SPAG16: variants seen among roughly 807,000 people sequenced by gnomAD.
The protein encoded by SPAG16 is sperm associated antigen 16.
In SPAG16, 86 loss-of-function variants were observed where a neutral mutation model predicts 80.4. The ratio of observed to expected loss-of-function variants is 1.07; its 90% CI spans 0.90 to 1.28. SPAG16 has a LOEUF of 1.28. Among genes scored for constraint, SPAG16 ranks in the 50% most tolerant of loss-of-function variants. The pLI is 0.00. For missense variants in SPAG16, 870 were observed against 765.3 expected, an observed-to-expected ratio of 1.14 and a Z score of -1.61; for synonymous variants, 294 against 265.9, an observed-to-expected ratio of 1.11 and a Z score of -1.03.
At chr2:213,677,755 G>T (rs1295138636) in intron 10 of SPAG16, among the ~76,000 whole-genome samples, 1 of 152,228 alleles carries the variant, frequency 6.6e-6, no homozygotes, top group Non-Finnish European at 1.5e-5. Flanking sequence ...ACTCAGCTCT[G>T]CACCAAGCGG....
intron 13 of SPAG16, among the ~76,000 whole-genome samples, chr2:214,099,627 C>G (rs1306776643): frequency 1.3e-5 from 2 of 152,036 alleles, no homozygotes; most frequent in Non-Finnish European, 2.9e-5. Context: ...TATGTATGAA[C>G]TAGTCCATGA....
At chr2:213,886,179 CA>C (rs1002284404) in intron 11 of SPAG16, among the ~76,000 whole-genome samples, 4 of 152,060 alleles carry the variant, frequency 2.6e-5, no homozygotes, top group African/African-American at 9.7e-5. Flanking sequence ...GACCTACAGT[CA>C]AACAAGGTAG....
chr2:213,316,682 C>T (rs140614611), intron 4 of SPAG16, among the ~76,000 whole-genome samples: 110 of 152,110 alleles, frequency 7.2e-4, no homozygotes, highest in Non-Finnish European at 1.0e-3. Context: ...GGTTCAGGGC[C>T]ATTGCATTTA....
intron 10 of SPAG16, among the ~76,000 whole-genome samples, chr2:213,501,947 A>C (rs528597316): frequency 6.6e-6 from 1 of 152,344 alleles, no homozygotes; most frequent in South Asian, 2.1e-4. Flanking sequence ...TTAGATACTG[A>C]ATTAGCCCAA....
chr2:213,872,242 A>T (rs10209608), intron 11 of SPAG16, among the ~76,000 whole-genome samples: 2 of 151,892 alleles, frequency 1.3e-5, no homozygotes, highest in Non-Finnish European at 2.9e-5. Flanking sequence ...CTAGAGAGAC[A>T]AGAGAGAACC....
At chr2:214,230,669 C>T (rs570054599) in intron 15 of SPAG16, among the ~76,000 whole-genome samples, 1 of 151,998 alleles carries the variant, frequency 6.6e-6, no homozygotes, top group Non-Finnish European at 1.5e-5. Flanking sequence ...AATGCAAAAC[C>T]AAGATCTCTC....
chr2:213,489,081 GAA>G (rs58151966), intron 9 of SPAG16, among the ~76,000 whole-genome samples: 175 of 90,934 alleles, frequency 1.9e-3, no homozygotes, highest in African/African-American at 8.3e-3. Context: ...TCTCAAAAAC[GAA>G]AAAAAAAAAA....
rs577544885 is a variant in SPAG16, at chr2:214,236,858, GC to G, written c.1720+87593del. Among the ~76,000 whole-genome samples the G allele has an allele frequency of 2.3e-4, 35 of 152,170 alleles. 1 individual carries two copies. The South Asian group carries it at 3.5e-3, about 15-fold the overall frequency. On this transcript the variant is annotated intron_variant, in intron 15 of 15. Coordinates refer to ENST00000331683, the MANE Select transcript of SPAG16 (RefSeq NM_024532.5). ...TATAAGAAATAACCATAAGGCTATGGCAAAGCTGAGAGTGACAGAGTTTATG... is the reference window on the plus strand; with the variant it reads ...TATAAGAAATAACCATAAGGCTATGGAAAGCTGAGAGTGACAGAGTTTATG...
intron 10 of SPAG16, among the ~76,000 whole-genome samples, chr2:213,825,358 A>G (rs758711828): frequency 3.3e-5 from 5 of 152,004 alleles, no homozygotes; most frequent in Non-Finnish European, 7.4e-5. Context: ...ACTAGCTGTG[A>G]GTCTGTTGTA....
chr2:214,314,499 C>G (rs928259561), intron 15 of SPAG16, among the ~76,000 whole-genome samples: 2 of 152,060 alleles, frequency 1.3e-5, no homozygotes, highest in African/African-American at 2.4e-5. Context: ...GAGCAAAGAC[C>G]CTACAGTCAG....
At chr2:213,709,452 T>C (rs2065891330) in intron 10 of SPAG16, among the ~76,000 whole-genome samples, 1 of 152,224 alleles carries the variant, frequency 6.6e-6, no homozygotes, top group South Asian at 2.1e-4. Flanking sequence ...TATGGAATAT[T>C]TCAAGCTATA....
Position 213,929,995 on chromosome 2 carries a change from C to G in SPAG16, c.1250C>G (p.Thr417Arg), listed in dbSNP as rs772395121. 6.2e-7 allele frequency: 1 copy of G among 1,613,412 alleles called. No individual in the cohort carries two copies. Among genetic ancestry groups the G allele is most frequent in the Non-Finnish European group, 8.5e-7 (1 of 1,179,676 alleles). The change falls in exon 12 of 16, where the codon ACA (threonine) becomes AGA (arginine). Residue 417 changes from threonine to arginine, a missense_variant. Transcript: ENST00000331683. ...TTGGCTACTTCAAGTGGTGACACTA[C>G]AGTTAAATTATGGGATCTATGTAAA... ...DKLATSSGDT[T>R]VKLWDLCKGD...
At position 213,700,095 on chromosome 2, in the gene SPAG16, A is replaced by C. The variant is rs192629008; in HGVS notation, c.1071-162390A>C. 6.6e-5 allele frequency among the ~76,000 whole-genome samples: 10 copies of C among 152,322 alleles called. No individual in the cohort carries two copies. In the East Asian group the frequency reaches 1.9e-3, roughly 29 times the overall value. On this transcript the variant is annotated intron_variant, in intron 10 of 15. Coordinates refer to ENST00000331683, the MANE Select transcript of SPAG16 (RefSeq NM_024532.5). ...TATTATCATATGTAATTCAGTAAAG[A>C]AATGTGTATACATGCATGTAATACA...
At chr2:213,405,519 A>G (rs2125361018) in intron 9 of SPAG16, among the ~76,000 whole-genome samples, 1 of 152,336 alleles carries the variant, frequency 6.6e-6, no homozygotes, top group East Asian at 1.9e-4. Context: ...GAAATATACA[A>G]TAAATTATCA....
chr2:214,385,672 C>A (rs146246603), intron 15 of SPAG16, among the ~76,000 whole-genome samples: 269 of 152,172 alleles, frequency 1.8e-3, no homozygotes, highest in South Asian at 4.6e-3. Context: ...GGCGAAATCC[C>A]GTCTCTACTG....
At chr2:213,471,375 G>A (rs113037392) in intron 9 of SPAG16, among the ~76,000 whole-genome samples, 3,564 of 152,146 alleles carry the variant, frequency 0.023, 58 homozygotes, top group South Asian at 0.038. Context: ...GCTGCTGTGC[G>A]TGCCCCACTT....
rs891438888 is a variant in SPAG16, at chr2:213,340,041, T to C, written c.537-122T>C. 9 of 649,722 alleles carry C rather than the reference T, an allele frequency of 1.4e-5. No homozygotes were observed. In the African/African-American group the frequency reaches 1.7e-4, roughly 12 times the overall value. The allele number at this position is 649,722 out of a possible 1,614,324, so 40.2% of individuals were successfully genotyped here. On this transcript the variant is annotated intron_variant, in intron 5 of 15. Transcript: ENST00000331683. ...TGATGAGAATCTTCGATGAGAATTATAGCAAAATATTTGTTTTCCTATTAT... is the reference window on the plus strand; with the variant it reads ...TGATGAGAATCTTCGATGAGAATTACAGCAAAATATTTGTTTTCCTATTAT...
At chr2:214,341,185 G>C (rs1400084148) in intron 15 of SPAG16, among the ~76,000 whole-genome samples, 1 of 152,086 alleles carries the variant, frequency 6.6e-6, no homozygotes, top group African/African-American at 2.4e-5. Context: ...TAACTAGAAA[G>C]AGTTGAAAAA....
intron 3 of SPAG16, among the ~76,000 whole-genome samples, chr2:213,304,663 C>A (rs1255203976): frequency 6.6e-6 from 1 of 152,008 alleles, no homozygotes; most frequent in Non-Finnish European, 1.5e-5. Context: ...GTTCTTGATA[C>A]CTTTGTCGAA....
Sources: gnomAD v4.1 joint callset for allele counts (sites outside exome capture counted in the v4.1 genomes callset) on GRCh38, gnomAD v4.1.1 for gene constraint, MANE v1.5 for transcripts, NCBI Gene and HGNC (gene_info 2026-07-23, HGNC 2026-07-21) for gene names.